The following FBXL7 variants were observed in gnomAD, a reference collection of about 807,000 sequenced individuals.
The protein encoded by FBXL7 is F-box/LRR-repeat protein 7.
A neutral mutation model predicts 38.3 loss-of-function variants in FBXL7; 12 were observed. That is an observed-to-expected ratio of 0.31 (90% confidence interval 0.20 to 0.51). FBXL7 has a LOEUF of 0.51. Ranked by LOEUF, FBXL7 falls within the 20% of genes least tolerant of loss-of-function variation. The pLI is 0.98. For missense variants in FBXL7, 567 were observed against 676.4 expected, an observed-to-expected ratio of 0.84 and a Z score of 1.79; for synonymous variants, 297 against 300.9, an observed-to-expected ratio of 0.99 and a Z score of 0.13.
intron 2 of FBXL7, among the ~76,000 whole-genome samples, chr5:15,660,205 C>T (rs1247523865): frequency 6.6e-6 from 1 of 152,196 alleles, no homozygotes; most frequent in Non-Finnish European, 1.5e-5. Flanking sequence ...CTTCCCACTC[C>T]CATGCCCTCT....
intron 2 of FBXL7, among the ~76,000 whole-genome samples, chr5:15,846,519 A>C (rs920034497): frequency 6.6e-6 from 1 of 152,218 alleles, no homozygotes; most frequent in Non-Finnish European, 1.5e-5. Context: ...ATGCAAGGGT[A>C]GGGGGACTTT....
chr5:15,575,978 G>GT (rs552679886), intron 1 of FBXL7, among the ~76,000 whole-genome samples: 1 of 146,206 alleles, frequency 6.8e-6, no homozygotes, highest in South Asian at 2.2e-4. Context: ...TCTGCACTGT[G>GT]TTTTTTTGTG....
chr5:15,842,571 A>G (rs1738778551), intron 2 of FBXL7, among the ~76,000 whole-genome samples: 1 of 152,116 alleles, frequency 6.6e-6, no homozygotes, highest in South Asian at 2.1e-4. Flanking sequence ...CCCAGGGTGT[A>G]ATGATATGGT....
intron 1 of FBXL7, among the ~76,000 whole-genome samples, chr5:15,569,114 T>C (rs372482201): frequency 3.3e-4 from 51 of 152,318 alleles, no homozygotes; most frequent in South Asian, 1.5e-3. Context: ...TAGTTTTTTC[T>C]AATTCTGTGA....
chr5:15,860,232 C>G (rs1739419662), intron 2 of FBXL7, among the ~76,000 whole-genome samples: 1 of 152,120 alleles, frequency 6.6e-6, no homozygotes, highest in South Asian at 2.1e-4. Context: ...TTGTACTTTT[C>G]TATTTATGTG....
chr5:15,677,251 C>T (rs141978100), intron 2 of FBXL7, among the ~76,000 whole-genome samples: 124 of 152,300 alleles, frequency 8.1e-4, no homozygotes, highest in African/African-American at 2.9e-3. Flanking sequence ...GGGCAGATCT[C>T]TTGAGGACAG....
intron 1 of FBXL7, among the ~76,000 whole-genome samples, chr5:15,530,189 A>C (rs560194886): frequency 6.6e-6 from 1 of 152,194 alleles, no homozygotes; most frequent in Non-Finnish European, 1.5e-5. Context: ...CTTACTTTAC[A>C]TTAAGTGAGA....
intron 2 of FBXL7, among the ~76,000 whole-genome samples, chr5:15,701,730 G>A (rs1413747162): frequency 1.3e-5 from 2 of 152,046 alleles, no homozygotes; most frequent in African/African-American, 2.4e-5. Context: ...ATGAAATTCA[G>A]GAAAGTAAGA....
At chr5:15,812,403 C>G (rs1737888971) in intron 2 of FBXL7, among the ~76,000 whole-genome samples, 2 of 152,036 alleles carry the variant, frequency 1.3e-5, no homozygotes, top group African/African-American at 4.8e-5. Context: ...GGCTCAAAAC[C>G]TAGATGATGG....
intron 2 of FBXL7, among the ~76,000 whole-genome samples, chr5:15,850,671 GC>G (rs544794830): frequency 6.6e-6 from 1 of 152,266 alleles, no homozygotes; most frequent in Non-Finnish European, 1.5e-5. Context: ...GCAGGGCAGC[GC>G]CCACTCATTT....
At chr5:15,889,635 T>C (rs150861697) in intron 2 of FBXL7, among the ~76,000 whole-genome samples, 153 of 152,350 alleles carry the variant, frequency 1.0e-3, no homozygotes, top group Middle Eastern at 3.4e-3. Flanking sequence ...ATGCTTGTGA[T>C]GTACCCCATA....
intron 2 of FBXL7, among the ~76,000 whole-genome samples, chr5:15,769,687 C>A (rs1736678855): frequency 6.7e-6 from 1 of 149,948 alleles, no homozygotes; most frequent in African/African-American, 2.5e-5. Flanking sequence ...AGAGGTGAAG[C>A]AGATATGACA....
intron 2 of FBXL7, among the ~76,000 whole-genome samples, chr5:15,652,477 C>T (rs1304727111): frequency 3.3e-5 from 5 of 152,086 alleles, no homozygotes; most frequent in South Asian, 2.1e-4. Context: ...CGTGTTAGCC[C>T]GGATGGTCTC....
chr5:15,573,363 C>T (rs1162843260), intron 1 of FBXL7, among the ~76,000 whole-genome samples: 1 of 152,072 alleles, frequency 6.6e-6, no homozygotes, highest in Non-Finnish European at 1.5e-5. Flanking sequence ...TATTACAGCA[C>T]AAAGTTTCAA....
At chr5:15,573,742 G>A (rs1051156045) in intron 1 of FBXL7, among the ~76,000 whole-genome samples, 1 of 152,226 alleles carries the variant, frequency 6.6e-6, no homozygotes, top group African/African-American at 2.4e-5. Context: ...GTACTCAGGA[G>A]TAATGTCAGT....
chr5:15,514,240 C>T (rs1384110027), intron 1 of FBXL7, among the ~76,000 whole-genome samples: 2 of 152,102 alleles, frequency 1.3e-5, no homozygotes, highest in African/African-American at 2.4e-5. Flanking sequence ...GTTGAAATTC[C>T]CAAGTTGCTG....
chr5:15,818,795 TGAA>T (rs1160119455), intron 2 of FBXL7, among the ~76,000 whole-genome samples: 16 of 150,482 alleles, frequency 1.1e-4, no homozygotes, highest in African/African-American at 3.2e-4. Flanking sequence ...AAAATAGAAA[TGAA>T]GAAGAACATA....
chr5:15,927,316 C>T (rs906663497), intron 2 of FBXL7, among the ~76,000 whole-genome samples: 1 of 152,160 alleles, frequency 6.6e-6, no homozygotes, highest in African/African-American at 2.4e-5. Flanking sequence ...CTGTTCATTG[C>T]AGTCTGGTCA....
chr5:15,872,407 A>G (rs1740004952), intron 2 of FBXL7, among the ~76,000 whole-genome samples: 2 of 145,940 alleles, frequency 1.4e-5, no homozygotes, highest in Non-Finnish European at 3.1e-5. Flanking sequence ...AAGTTCACAC[A>G]TAACAATAAC....
Sources: allele counts gnomAD v4.1 joint callset (sites outside exome capture counted in the v4.1 genomes callset), GRCh38; gene constraint gnomAD v4.1.1; transcripts MANE v1.5; gene names NCBI Gene and HGNC (gene_info 2026-07-23, HGNC 2026-07-21).